Variants in F8 observed in about 807,000 individuals in gnomAD.
F8 encodes the protein antihemophilic factor.
Under a neutral mutation model 140.6 loss-of-function variants are expected in F8, and 12 were observed. That is an observed-to-expected ratio of 0.09 (90% CI 0.05 to 0.14). The LOEUF is 0.14. F8 is among the 10% of genes least tolerant of loss of function. The pLI, the probability that F8 is intolerant of heterozygous loss-of-function variation, is 1.00. For synonymous variants in F8, 585 were observed against 614.6 expected, an observed-to-expected ratio of 0.95 and a Z score of 0.71; for missense variants, 1,354 against 1,720.7, an observed-to-expected ratio of 0.79 and a Z score of 3.77.
intron 14 of F8, among the ~76,000 whole-genome samples, chrX:154,927,811 C>T (rs1438944284): frequency 9.0e-6 from 1 of 111,571 alleles, no homozygotes; most frequent in Non-Finnish European, 1.9e-5. Context: ...TTTCTCTTCC[C>T]TCTGTCTGGA....
Position 154,930,907 on chromosome X carries a change from A to G in F8, c.2883T>C (p.Asn961=). Residue 961 remains asparagine (N), a synonymous_variant, in exon 14 of 26, where the codon AAT becomes AAC. Coordinates refer to ENST00000360256, the MANE Select transcript of F8 (RefSeq NM_000132.4). ...SGGPLSLSEE[N]NDSKLLESGL... ...CTGATTCTAACAACTTTGAATCATT[A>G]TTTTCTTCACTCAAGCTCAGAGGTC... 7.5e-6 allele frequency: 9 copies of G among 1,200,717 alleles called. No individual in the cohort carries two copies. The highest frequency in any genetic ancestry group is 1.0e-5 in the Non-Finnish European group (9 of 891,150).
At chrX:154,966,230 C>A in intron 8 of F8, 89 bp from the exon 9 acceptor site, 1 of 1,002,221 alleles carries the variant, frequency 1.0e-6, no homozygotes, top group South Asian at 2.1e-5. Context: ...ATGATTCAAT[C>A]AAGGCAAGGA....
At chrX:154,905,698 A>T (rs954626226) in intron 15 of F8, among the ~76,000 whole-genome samples, 2 of 111,967 alleles carry the variant, frequency 1.8e-5, no homozygotes, top group African/African-American at 3.2e-5. Context: ...GGTGTTTTTT[A>T]AAAAATCTCT....
chrX:155,007,441 G>T lies in F8; in HGVS notation c.144-7841C>A, dbSNP rs782657820. Among the ~76,000 whole-genome samples the T allele has an allele frequency of 2.7e-5, 3 of 111,877 alleles. No individual in the cohort carries two copies. In the South Asian group the frequency reaches 1.1e-3, roughly 42 times the overall value. The stretch of plus-strand genomic sequence containing the variant: ...GTTGCCACCAAAGTCCAACCTGCCA[G>T]CAACAAAAATCAATGCTGAGCTCCC... On this transcript the variant is annotated intron_variant, in intron 1 of 25. Transcript: ENST00000360256.
At position 154,888,380 on chromosome X, in the gene F8, A is replaced by ATTTTT. The variant is rs782710109; in HGVS notation, c.6429+7692_6429+7696dup. 2.8e-3 allele frequency among the ~76,000 whole-genome samples: 63 copies of ATTTTT among 22,238 alleles called. 1 individual carries two copies. Among genetic ancestry groups the ATTTTT allele is most frequent in the African/African-American group, 0.018 (57 of 3,206 alleles). The allele number at this position is 22,238 out of a possible 115,157, so 19.3% of individuals were successfully genotyped here. On this transcript the variant is annotated intron_variant, in intron 22 of 25. Transcript: ENST00000360256. ...ACAACAGCTTTTATTTGTAATAGGG[A>ATTTTT]TTTTTTTTTTTTTTTTTTTTTTTTT... is the stretch of plus-strand genomic sequence containing the variant.
At chrX:154,906,092 A>G (rs1396523910) in intron 15 of F8, among the ~76,000 whole-genome samples, 1 of 112,030 alleles carries the variant, frequency 8.9e-6, no homozygotes, top group Non-Finnish European at 1.9e-5. Context: ...CTTGTTCAAA[A>G]TAAATGGTTA....
intron 14 of F8, among the ~76,000 whole-genome samples, chrX:154,921,821 T>C (rs2073132505): frequency 9.3e-6 from 1 of 107,094 alleles, no homozygotes; most frequent in African/African-American, 3.4e-5. Context: ...TAGGTGGGAA[T>C]TGAACAATGA....
chrX:154,886,362 T>TG lies in F8; in HGVS notation c.6429+9714dup. ...CTGCGGCGGCGCGTCGGGAAGTGCT[T>TG]GGGGCGGCGAGCATGGCGGCAGCGG... On this transcript the variant is annotated intron_variant, in intron 22 of 25. Transcript: ENST00000360256. 3 of 274,032 alleles carry TG rather than the reference T, an allele frequency of 1.1e-5. No individual in the cohort carries two copies. The South Asian group carries it at 4.7e-4, about 43-fold the overall frequency. 22.6% of individuals were successfully genotyped at this position (274,032 alleles called of 1,213,427 possible).
intron 12 of F8, among the ~76,000 whole-genome samples, chrX:154,953,196 C>G (rs1309376629): frequency 2.7e-5 from 3 of 111,732 alleles, no homozygotes; most frequent in Non-Finnish European, 5.6e-5. Flanking sequence ...TTCCCCCATC[C>G]CAAATTTATA....
rs1338514083 is a variant in F8, at chrX:154,931,130, G to A, written c.2660C>T (p.Ala887Val). ...GAAATCAAGTTTCTTCAACTCTGTT[G>A]CTGCAGTTGTCCCCAGTTTCTCATT... The part of the protein sequence containing the change: ...RLNEKLGTTA[A>V]TELKKLDFKV... Residue 887 changes from alanine (A) to valine (V), a missense_variant, in exon 14 of 26, where the codon GCA (alanine) becomes GTA (valine). Coordinates refer to ENST00000360256, the MANE Select transcript of F8 (RefSeq NM_000132.4). The A allele has an allele frequency of 8.3e-7, 1 of 1,209,174 alleles. No individual in the cohort carries two copies. The highest frequency in any genetic ancestry group is 1.1e-6 in the Non-Finnish European group (1 of 894,802).
intron 22 of F8, among the ~76,000 whole-genome samples, chrX:154,870,585 A>C (rs1173589947): frequency 8.9e-6 from 1 of 112,074 alleles, no homozygotes; most frequent in African/African-American, 3.2e-5. Context: ...CGCACAGCCA[A>C]TATCATACTG....
intron 7 of F8, among the ~76,000 whole-genome samples, chrX:154,967,039 T>C (rs1290378330): frequency 1.8e-5 from 2 of 111,394 alleles, no homozygotes; most frequent in African/African-American, 6.5e-5. Flanking sequence ...ACCTCCAGCA[T>C]TGGAAATTAC....
intron 25 of F8, among the ~76,000 whole-genome samples, chrX:154,847,572 G>A (rs2072577877): frequency 1.8e-5 from 2 of 111,816 alleles, no homozygotes; most frequent in Non-Finnish European, 3.8e-5. Flanking sequence ...CCAGTTGATC[G>A]CATCGGCTAC....
At chrX:154,909,001 G>T in intron 14 of F8, 1 of 189,747 alleles carries the variant, frequency 5.3e-6, no homozygotes. Flanking sequence ...ACTGATTTGG[G>T]CTGGATGGTT....
chrX:154,942,388 C>A (rs1557279877), intron 13 of F8, among the ~76,000 whole-genome samples: 2 of 109,759 alleles, frequency 1.8e-5, no homozygotes, highest in East Asian at 5.7e-4. Context: ...ACTACAAACA[C>A]CTCTACGCAA....
At chrX:154,924,201 G>C (rs782024784) in intron 14 of F8, among the ~76,000 whole-genome samples, 2 of 111,698 alleles carry the variant, frequency 1.8e-5, no homozygotes, top group African/African-American at 6.5e-5. Flanking sequence ...GTTGGTACCA[G>C]TAGAGTGGGG....
At chrX:155,012,931 G>A (rs1391855002) in intron 1 of F8, among the ~76,000 whole-genome samples, 1 of 109,562 alleles carries the variant, frequency 9.1e-6, no homozygotes, top group Middle Eastern at 4.7e-3. Flanking sequence ...CGGATCATGA[G>A]GTCAGGAGAT....
At chrX:154,918,333 A>T (rs1276807524) in intron 14 of F8, among the ~76,000 whole-genome samples, 5 of 111,038 alleles carry the variant, frequency 4.5e-5, no homozygotes, top group African/African-American at 1.6e-4. Context: ...AGAGCAGCCA[A>T]TGTGTTTTGC....
chrX:154,954,082 C>T (rs1279798631), intron 11 of F8, 40 bp from the exon 12 acceptor site: 2 of 1,173,274 alleles, frequency 1.7e-6, no homozygotes, highest in African/African-American at 1.8e-5. Flanking sequence ...AGAAATGCTA[C>T]TGATGTTGTC....
Sources: gnomAD v4.1 joint callset for allele counts (sites outside exome capture counted in the v4.1 genomes callset) on GRCh38, gnomAD v4.1.1 for gene constraint, MANE v1.5 for transcripts, NCBI Gene and HGNC (gene_info 2026-07-23, HGNC 2026-07-21) for gene names.